Variants in LRRTM4 observed in about 807,000 individuals in gnomAD.
The protein encoded by LRRTM4 is leucine-rich repeat transmembrane neuronal protein 4.
Under a neutral mutation model 47.6 loss-of-function variants are expected in LRRTM4, and 25 were observed. That is an observed-to-expected ratio of 0.53 (90% CI 0.38 to 0.73). The LOEUF (loss-of-function observed/expected upper bound fraction) is 0.73. Among genes scored for constraint, LRRTM4 ranks in the 30% least tolerant of loss-of-function variants. LRRTM4 has a pLI of 0.00. For missense variants in LRRTM4, 638 were observed against 713.4 expected (o/e 0.89, Z 1.20); for synonymous variants, 311 against 269.5 (o/e 1.15, Z -1.51).
At chr2:77,093,675 C>A in intron 3 of LRRTM4, among the ~76,000 whole-genome samples, 1 of 151,962 alleles carries the variant, frequency 6.6e-6, no homozygotes, top group Admixed American at 6.6e-5. Flanking sequence ...AATGTCAGGC[C>A]TCTGAGCCCA....
At chr2:77,402,627 T>C (rs1674004959) in intron 3 of LRRTM4, among the ~76,000 whole-genome samples, 1 of 152,006 alleles carries the variant, frequency 6.6e-6, no homozygotes, top group Non-Finnish European at 1.5e-5. Flanking sequence ...CATAATCTAG[T>C]CTTTGTTCTC....
intron 3 of LRRTM4, among the ~76,000 whole-genome samples, chr2:77,515,914 C>G (rs1462569271): frequency 1.3e-5 from 2 of 151,780 alleles, no homozygotes; most frequent in Non-Finnish European, 2.9e-5. Flanking sequence ...TTATATCTAC[C>G]TATAACTGTA....
chr2:77,156,051 TAA>T (rs1672551255), intron 3 of LRRTM4, among the ~76,000 whole-genome samples: 1 of 151,954 alleles, frequency 6.6e-6, no homozygotes, highest in Non-Finnish European at 1.5e-5. Context: ...TTAAAAAAAT[TAA>T]AAGAGAAAGA....
rs138625943 is a variant in LRRTM4 at position 77,356,151 on chromosome 2, T to A, written c.1551+162167A>T. 6.4e-3 allele frequency among the ~76,000 whole-genome samples: 976 copies of A among 152,300 alleles called. 11 individuals are homozygous for A. The highest frequency in any genetic ancestry group is 0.022 in the African/African-American group (910 of 41,562). ...GAATGCCAGGATAAAGTGGTTTTTTTAAATGAGATAATAGATTAATTGAAA... is the reference window on the plus strand; with the variant it reads ...GAATGCCAGGATAAAGTGGTTTTTTAAAATGAGATAATAGATTAATTGAAA... On this transcript the variant is annotated intron_variant, in intron 3 of 3. Coordinates refer to ENST00000409884, the MANE Select transcript of LRRTM4 (RefSeq NM_001134745.3).
At chr2:77,053,954 T>A (rs990084971) in intron 3 of LRRTM4, among the ~76,000 whole-genome samples, 4 of 152,102 alleles carry the variant, frequency 2.6e-5, no homozygotes, top group African/African-American at 9.7e-5. Flanking sequence ...TGATTTTGAG[T>A]CAGAAATATA....
At chr2:77,044,153 T>A (rs950751203) in intron 3 of LRRTM4, among the ~76,000 whole-genome samples, 1 of 151,824 alleles carries the variant, frequency 6.6e-6, no homozygotes, top group Non-Finnish European at 1.5e-5. Context: ...TATTAGAATA[T>A]GTTACATAGT....
intron 3 of LRRTM4, among the ~76,000 whole-genome samples, chr2:76,904,688 T>G (rs1673760952): frequency 6.6e-6 from 1 of 152,182 alleles, no homozygotes; most frequent in Non-Finnish European, 1.5e-5. Context: ...AACACTGGCT[T>G]TGAAGTCAGC....
intron 3 of LRRTM4, among the ~76,000 whole-genome samples, chr2:77,030,293 G>A (rs991866744): frequency 6.6e-6 from 1 of 152,008 alleles, no homozygotes; most frequent in African/African-American, 2.4e-5. Context: ...AATTAGCTGG[G>A]TGTGGTGGTA....
intron 3 of LRRTM4, among the ~76,000 whole-genome samples, chr2:76,806,583 A>T (rs929816375): frequency 2.8e-5 from 4 of 143,342 alleles, no homozygotes; most frequent in African/African-American, 8.1e-5. Context: ...CCCCGTCTCA[A>T]AACATTTTTT....
At chr2:76,875,672 C>T (rs1432840398) in intron 3 of LRRTM4, among the ~76,000 whole-genome samples, 1 of 152,124 alleles carries the variant, frequency 6.6e-6, no homozygotes, top group East Asian at 1.9e-4. Context: ...TATATATTTT[C>T]TAGAACTATC....
chr2:77,046,524 T>G (rs1256952800), intron 3 of LRRTM4, among the ~76,000 whole-genome samples: 1 of 151,910 alleles, frequency 6.6e-6, no homozygotes, highest in Non-Finnish European at 1.5e-5. Flanking sequence ...AATGATGATG[T>G]CCCTGGAGGA....
At chr2:77,433,338 T>C (rs10210698) in intron 3 of LRRTM4, among the ~76,000 whole-genome samples, 55,949 of 151,846 alleles carry the variant, frequency 0.37, 10,373 homozygotes, top group African/African-American at 0.4. Context: ...GAGGAAGATA[T>C]GATGTGCAGG....
chr2:77,410,233 G>C (rs1674365005), intron 3 of LRRTM4, among the ~76,000 whole-genome samples: 1 of 152,096 alleles, frequency 6.6e-6, no homozygotes, highest in African/African-American at 2.4e-5. Flanking sequence ...AGTAGAAAGA[G>C]AACCACCAGA....
At chr2:76,796,914 AAAAAAGAAT>A (rs1233488207) in intron 3 of LRRTM4, among the ~76,000 whole-genome samples, 1 of 152,082 alleles carries the variant, frequency 6.6e-6, no homozygotes, top group Non-Finnish European at 1.5e-5. Context: ...AAGTTTAGAG[AAAAAAGAAT>A]AAAAAGAAAT....
At chr2:76,812,776 C>CCCTCCTGCTCTCCCTCCCCCCTT in intron 3 of LRRTM4, among the ~76,000 whole-genome samples, 1 of 85,636 alleles carries the variant, frequency 1.2e-5, no homozygotes. Context: ...CTCTCCCTCC[C>CCCTCCTGCTCTCCCTCCCCCCTT]CCTCCTCCTC....
intron 3 of LRRTM4, among the ~76,000 whole-genome samples, chr2:77,469,760 T>C (rs1677115945): frequency 6.6e-6 from 1 of 151,740 alleles, no homozygotes; most frequent in Non-Finnish European, 1.5e-5. Flanking sequence ...TATGAATACA[T>C]ATATTGCTAT....
chr2:77,029,842 A>G (rs909365272), intron 3 of LRRTM4, among the ~76,000 whole-genome samples: 1 of 152,180 alleles, frequency 6.6e-6, no homozygotes, highest in Admixed American at 6.5e-5. Context: ...AAGGACATCA[A>G]TGACAATGAA....
At chr2:77,025,619 T>C (rs1678428073) in intron 3 of LRRTM4, among the ~76,000 whole-genome samples, 1 of 152,146 alleles carries the variant, frequency 6.6e-6, no homozygotes, top group African/African-American at 2.4e-5. Context: ...CTCTCAGTTG[T>C]ACAATAGCTT....
At chr2:76,801,279 G>A (rs1229480631) in intron 3 of LRRTM4, among the ~76,000 whole-genome samples, 1 of 151,974 alleles carries the variant, frequency 6.6e-6, no homozygotes, top group African/African-American at 2.4e-5. Flanking sequence ...GTCCAACAAT[G>A]ATAGACTGGA....
Sources: allele counts gnomAD v4.1 joint callset (sites outside exome capture counted in the v4.1 genomes callset), GRCh38; gene constraint gnomAD v4.1.1; transcripts MANE v1.5; gene names NCBI Gene and HGNC (gene_info 2026-07-23, HGNC 2026-07-21).